Variants in GRID1 observed in about 807,000 individuals in gnomAD.
GRID1 encodes glutamate ionotropic receptor delta type subunit 1.
Under a neutral mutation model 98.0 loss-of-function variants are expected in GRID1, and 28 were observed. The ratio of observed to expected loss-of-function variants is 0.29; its 90% confidence interval spans 0.21 to 0.39. The LOEUF (loss-of-function observed/expected upper bound fraction) is 0.39. Ranked by LOEUF, GRID1 falls within the 10% of genes least tolerant of loss-of-function variation. The pLI, the probability that GRID1 is intolerant of heterozygous loss-of-function variation, is 1.00. For missense variants in GRID1, 1,111 were observed against 1,340.5 expected, an observed-to-expected ratio of 0.83 and a Z score of 2.67; for synonymous variants, 553 against 538.5, an observed-to-expected ratio of 1.03 and a Z score of -0.37.
At chr10:86,284,546 G>A (rs1564728487) in intron 2 of GRID1, among the ~76,000 whole-genome samples, 1 of 152,230 alleles carries the variant, frequency 6.6e-6, no homozygotes, top group Non-Finnish European at 1.5e-5. Context: ...CCACTGCGGA[G>A]TTGAACCAGC....
At chr10:85,608,107 C>A (rs1364343935) in intron 15 of GRID1, among the ~76,000 whole-genome samples, 1 of 152,004 alleles carries the variant, frequency 6.6e-6, no homozygotes, top group South Asian at 2.1e-4. Context: ...TGCGCCACTA[C>A]ACCCAGCCCA....
chr10:85,621,823 A>G (rs997222226), intron 13 of GRID1, among the ~76,000 whole-genome samples: 6 of 152,150 alleles, frequency 3.9e-5, no homozygotes, highest in Non-Finnish European at 7.4e-5. Context: ...TCACAAAAAG[A>G]TAGACATTTT....
intron 8 of GRID1, among the ~76,000 whole-genome samples, chr10:85,839,397 A>C (rs1842942299): frequency 6.6e-6 from 1 of 152,192 alleles, no homozygotes; most frequent in Non-Finnish European, 1.5e-5. Flanking sequence ...AAAGTAAAAC[A>C]CTCATCAGCC....
intron 8 of GRID1, among the ~76,000 whole-genome samples, chr10:85,844,012 A>G (rs1842983574): frequency 6.6e-6 from 1 of 152,088 alleles, no homozygotes; most frequent in Non-Finnish European, 1.5e-5. Flanking sequence ...AATAATTCAG[A>G]TGTTCTTCAG....
At chr10:86,162,478 C>G (rs1000108676) in intron 3 of GRID1, among the ~76,000 whole-genome samples, 1 of 152,194 alleles carries the variant, frequency 6.6e-6, no homozygotes, top group Non-Finnish European at 1.5e-5. Flanking sequence ...GTTCTCTCAC[C>G]TAAAAGCAAG....
intron 12 of GRID1, among the ~76,000 whole-genome samples, chr10:85,704,922 G>C (rs529995249): frequency 8.1e-4 from 124 of 152,274 alleles, no homozygotes; most frequent in African/African-American, 2.5e-3. Context: ...TGAAACCAGT[G>C]AGAACAAAGA....
chr10:85,721,372 G>A (rs1040796076), intron 12 of GRID1, among the ~76,000 whole-genome samples: 1 of 152,166 alleles, frequency 6.6e-6, no homozygotes, highest in Non-Finnish European at 1.5e-5. Flanking sequence ...GAAAACTCAT[G>A]TTCATGCAAA....
chr10:86,010,996 G>T (rs188580254), intron 4 of GRID1, among the ~76,000 whole-genome samples: 8 of 152,192 alleles, frequency 5.3e-5, no homozygotes, highest in Admixed American at 5.2e-4. Context: ...TTGGGATAGG[G>T]ATCTTTAAAG....
intron 3 of GRID1, among the ~76,000 whole-genome samples, chr10:86,189,707 T>G (rs897560826): frequency 6.6e-6 from 1 of 152,076 alleles, no homozygotes; most frequent in African/African-American, 2.4e-5. Flanking sequence ...TGTGCGATGT[T>G]TATCAGCATC....
At chr10:85,701,350 G>T (rs910277901) in intron 12 of GRID1, among the ~76,000 whole-genome samples, 1 of 151,698 alleles carries the variant, frequency 6.6e-6, no homozygotes, top group Non-Finnish European at 1.5e-5. Flanking sequence ...ATAGTAATTT[G>T]TCAGTAAATA....
intron 3 of GRID1, among the ~76,000 whole-genome samples, chr10:86,153,239 C>T (rs1175771160): frequency 2.0e-5 from 3 of 152,326 alleles, no homozygotes; most frequent in African/African-American, 2.4e-5. Flanking sequence ...CACACACACA[C>T]GCTCAGGTAT....
At chr10:85,799,185 T>C (rs924444872) in intron 8 of GRID1, among the ~76,000 whole-genome samples, 2 of 152,146 alleles carry the variant, frequency 1.3e-5, no homozygotes, top group African/African-American at 4.8e-5. Flanking sequence ...CTCTCTCTTT[T>C]GTTTAATTGG....
chr10:86,256,017 T>A (rs1846912357), intron 2 of GRID1, among the ~76,000 whole-genome samples: 1 of 152,178 alleles, frequency 6.6e-6, no homozygotes, highest in Admixed American at 6.5e-5. Flanking sequence ...TTGCCTTTCC[T>A]TAAAATACAG....
intron 8 of GRID1, among the ~76,000 whole-genome samples, chr10:85,766,097 A>C (rs2132703974): frequency 6.6e-6 from 1 of 152,340 alleles, no homozygotes; most frequent in Admixed American, 6.5e-5. Context: ...GTAGAGGAGA[A>C]ACAAGGTTTG....
chr10:86,301,130 C>A (rs113814114), intron 2 of GRID1, among the ~76,000 whole-genome samples: 2,186 of 152,278 alleles, frequency 0.014, 23 homozygotes, highest in Non-Finnish European at 0.023. Context: ...GTGCCCCCCA[C>A]CCACCAGCCC....
At position 85,618,927 on chromosome 10, in the gene GRID1, A is replaced by G. The variant is rs913196948; in HGVS notation, c.2360+940T>C. Among the ~76,000 whole-genome samples the G allele has an allele frequency of 5.3e-5, 8 of 152,216 alleles. No homozygotes were observed. The East Asian group carries it at 7.7e-4, about 15-fold the overall frequency. On this transcript the variant is annotated intron_variant, in intron 14 of 15. Coordinates refer to ENST00000327946, the MANE Select transcript of GRID1 (RefSeq NM_017551.3). ...TATGAGGACTCTCACGTCTCCAAAT[A>G]GAAGTTCCTTAGTACTGAAATTCAT...
At chr10:86,005,224 A>T (rs992965304) in intron 4 of GRID1, among the ~76,000 whole-genome samples, 1 of 152,048 alleles carries the variant, frequency 6.6e-6, no homozygotes, top group African/African-American at 2.4e-5. Context: ...TGATTGACCC[A>T]CAGTTCCAGC....
chr10:86,058,319 C>T (rs1287253348), intron 4 of GRID1, among the ~76,000 whole-genome samples: 1 of 152,156 alleles, frequency 6.6e-6, no homozygotes, highest in Non-Finnish European at 1.5e-5. Context: ...GGTTCCGGCC[C>T]CAGGTTCCAG....
chr10:85,739,052 C>T (rs2132670585), intron 8 of GRID1, among the ~76,000 whole-genome samples: 1 of 152,156 alleles, frequency 6.6e-6, no homozygotes, highest in African/African-American at 2.4e-5. Context: ...TAAATCCAGC[C>T]ATCTGAAATC....
Sources: allele counts gnomAD v4.1 joint callset (sites outside exome capture counted in the v4.1 genomes callset), GRCh38; gene constraint gnomAD v4.1.1; transcripts MANE v1.5; gene names NCBI Gene and HGNC (gene_info 2026-07-23, HGNC 2026-07-21).